The following AGBL4 variants were observed in gnomAD, a reference collection of about 807,000 sequenced individuals.
AGBL4 encodes the protein AGBL carboxypeptidase 4.
Under a neutral mutation model 66.4 loss-of-function variants are expected in AGBL4, and 58 were observed. The observed-to-expected ratio is 0.87, with a 90% CI of 0.71 to 1.09. The LOEUF (loss-of-function observed/expected upper bound fraction) is 1.09. Among genes scored for constraint, AGBL4 ranks in the 50% least tolerant of loss-of-function variants. The pLI is 0.00. For synonymous variants in AGBL4, 234 were observed against 222.9 expected (o/e 1.05, Z -0.44); for missense variants, 579 against 631.0 (o/e 0.92, Z 0.88).
At position 49,780,700 on chromosome 1, in the gene AGBL4, G is replaced by A. The variant is rs550858331; in HGVS notation, c.157+70696C>T. Among the ~76,000 whole-genome samples the A allele has an allele frequency of 4.6e-5, 7 of 152,092 alleles. No homozygotes were observed. In the South Asian group the frequency reaches 1.0e-3, roughly 23 times the overall value. ...TGATAAGTAAACATGGACATTGTAA[G>A]TGTAAGAGCAACCACTAAGAAAATA... On this transcript the variant is annotated intron_variant, in intron 2 of 13. Transcript: ENST00000371839.
chr1:49,906,913 T>G (rs983208774), intron 1 of AGBL4, among the ~76,000 whole-genome samples: 4 of 152,228 alleles, frequency 2.6e-5, no homozygotes, highest in Non-Finnish European at 4.4e-5. Context: ...ATCCACATTT[T>G]CTTACAAGGT....
intron 3 of AGBL4, among the ~76,000 whole-genome samples, chr1:49,472,932 T>C (rs1646774153): frequency 6.6e-6 from 1 of 152,072 alleles, no homozygotes; most frequent in African/African-American, 2.4e-5. Flanking sequence ...TGGTTTTCTG[T>C]TCCTGCATTA....
chr1:49,109,236 C>A (rs762446177), intron 4 of AGBL4, among the ~76,000 whole-genome samples: 3 of 152,192 alleles, frequency 2.0e-5, no homozygotes, highest in Non-Finnish European at 4.4e-5. Flanking sequence ...GTCATCTTAG[C>A]TACACCCCTT....
At chr1:49,885,920 G>T (rs1571803367) in intron 1 of AGBL4, among the ~76,000 whole-genome samples, 1 of 152,118 alleles carries the variant, frequency 6.6e-6, no homozygotes, top group East Asian at 1.9e-4. Context: ...ATACTTGGTT[G>T]GCCACTTTTG....
chr1:48,729,430 C>A (rs1647739005), intron 6 of AGBL4, among the ~76,000 whole-genome samples: 1 of 152,084 alleles, frequency 6.6e-6, no homozygotes. Context: ...TGAGTTTTCT[C>A]AACTAAATAG....
At chr1:49,687,432 G>T (rs1442172278) in intron 3 of AGBL4, among the ~76,000 whole-genome samples, 1 of 152,088 alleles carries the variant, frequency 6.6e-6, no homozygotes. Context: ...TCAGTCCCCA[G>T]AAACTTAAAG....
chr1:49,412,963 C>A lies in AGBL4; in HGVS notation c.283-167099G>T, dbSNP rs558218485. 3.3e-5 allele frequency among the ~76,000 whole-genome samples: 5 copies of A among 152,142 alleles called. No individual in the cohort carries two copies. In the South Asian group the frequency reaches 1.0e-3, roughly 32 times the overall value. On this transcript the variant is annotated intron_variant, in intron 3 of 13. Transcript: ENST00000371839. ...ATTGACAATGTCAAATCCTGGCAGT[C>A]CTGTGGGATAAGGTTTTAAAAGATG...
Position 49,878,096 on chromosome 1 carries a change from C to T in AGBL4, c.35-26578G>A, listed in dbSNP as rs1486201229. Among the ~76,000 whole-genome samples, 7 of 149,476 alleles carry T rather than the reference C, an allele frequency of 4.7e-5. No individual in the cohort carries two copies. The South Asian group carries it at 1.5e-3, about 32-fold the overall frequency. ...TAGCGGTCTATCAATTTTGTTGATC[C>T]TTTCAAAAAACCAGCTCCTGGATTC... On this transcript the variant is annotated intron_variant, in intron 1 of 13. Coordinates refer to ENST00000371839, the MANE Select transcript of AGBL4 (RefSeq NM_032785.4).
At chr1:49,280,427 A>C (rs1644251383) in intron 3 of AGBL4, among the ~76,000 whole-genome samples, 1 of 152,138 alleles carries the variant, frequency 6.6e-6, no homozygotes, top group Non-Finnish European at 1.5e-5. Context: ...CTCACTGCCT[A>C]AGGAGGGCAG....
At chr1:48,661,108 G>A (rs1646100305) in intron 7 of AGBL4, among the ~76,000 whole-genome samples, 2 of 110,584 alleles carry the variant, frequency 1.8e-5, no homozygotes, top group African/African-American at 5.4e-5. Context: ...CACAGCTCGT[G>A]GTATAAAGAG....
chr1:48,827,470 C>T (rs565165887), intron 6 of AGBL4, among the ~76,000 whole-genome samples: 1 of 152,298 alleles, frequency 6.6e-6, no homozygotes, highest in Admixed American at 6.5e-5. Context: ...CAGAAGCCTA[C>T]TGGGGTGAAA....
chr1:49,950,020 ATGTGTG>A (rs71059568), intron 1 of AGBL4, among the ~76,000 whole-genome samples: 7 of 138,316 alleles, frequency 5.1e-5, no homozygotes, highest in South Asian at 4.5e-4. Flanking sequence ...ACACACACAT[ATGTGTG>A]TGTGTGTATA....
chr1:49,950,185 T>G (rs891042320), intron 1 of AGBL4, among the ~76,000 whole-genome samples: 1 of 147,194 alleles, frequency 6.8e-6, no homozygotes, highest in Non-Finnish European at 1.5e-5. Flanking sequence ...CATATGTATA[T>G]ACACATATGT....
At chr1:49,168,096 G>A (rs1569909130) in intron 4 of AGBL4, among the ~76,000 whole-genome samples, 1 of 152,118 alleles carries the variant, frequency 6.6e-6, no homozygotes, top group African/African-American at 2.4e-5. Context: ...AGGGACTTGA[G>A]CAGCCATAGA....
intron 3 of AGBL4, among the ~76,000 whole-genome samples, chr1:49,541,882 A>C (rs1406734636): frequency 6.6e-6 from 1 of 152,210 alleles, no homozygotes; most frequent in Admixed American, 6.5e-5. Context: ...AAATGCACCA[A>C]TCAGCACTCT....
At chr1:48,775,775 G>A (rs1388440464) in intron 6 of AGBL4, among the ~76,000 whole-genome samples, 1 of 152,214 alleles carries the variant, frequency 6.6e-6, no homozygotes, top group African/African-American at 2.4e-5. Context: ...CCTCATCTAC[G>A]AAATGGAGAT....
In AGBL4 at chr1:49,650,745, T is replaced by C. The variant is rs148875874; in HGVS notation, c.282+46568A>G. On this transcript the variant is annotated intron_variant, in intron 3 of 13. Transcript: ENST00000371839. The stretch of plus-strand genomic sequence containing the variant: ...AGGAGATGGAGGAGCACAGCTCACC[T>C]AAGTGCACCTTGATACAAAGGAAAT... 2.5e-3 allele frequency among the ~76,000 whole-genome samples: 386 copies of C among 152,298 alleles called. 1 individual carries two copies. Among genetic ancestry groups the C allele is most frequent in the Non-Finnish European group, 4.6e-3 (311 of 68,024 alleles).
intron 2 of AGBL4, among the ~76,000 whole-genome samples, chr1:49,795,482 T>G (rs1159272921): frequency 6.6e-6 from 1 of 152,040 alleles, no homozygotes; most frequent in Non-Finnish European, 1.5e-5. Flanking sequence ...GAAAAATCAC[T>G]GGTGTCCTGT....
chr1:49,135,620 G>A (rs1645995445), intron 4 of AGBL4, among the ~76,000 whole-genome samples: 1 of 152,180 alleles, frequency 6.6e-6, no homozygotes, highest in Non-Finnish European at 1.5e-5. Flanking sequence ...GAGATGGGCT[G>A]AATTAAAGGA....
Sources: gnomAD v4.1 joint callset for allele counts (sites outside exome capture counted in the v4.1 genomes callset) on GRCh38, gnomAD v4.1.1 for gene constraint, MANE v1.5 for transcripts, NCBI Gene and HGNC (gene_info 2026-07-23, HGNC 2026-07-21) for gene names.